Variants in ZFHX3 observed in about 807,000 individuals in gnomAD.
ZFHX3 encodes the protein zinc finger homeobox protein 3.
ZFHX3 carries 42 observed loss-of-function variants against 279.1 expected under a neutral mutation model. The observed-to-expected ratio is 0.15, with a 90% CI of 0.12 to 0.19. The LOEUF (loss-of-function observed/expected upper bound fraction) is 0.19, where lower values mean the gene tolerates loss of function less well. Ranked by LOEUF, ZFHX3 falls within the 10% of genes least tolerant of loss-of-function variation. The pLI, the probability that ZFHX3 is intolerant of heterozygous loss-of-function variation, is 1.00. For missense variants in ZFHX3, 4,981 were observed against 4,754.0 expected (o/e 1.05, Z -1.40); for synonymous variants, 2,293 against 1,957.8 (o/e 1.17, Z -4.52).
intron 1 of ZFHX3, among the ~76,000 whole-genome samples, chr16:72,963,303 G>A (rs749294254): frequency 1.2e-4 from 19 of 152,216 alleles, no homozygotes; most frequent in Non-Finnish European, 2.5e-4. Flanking sequence ...CTCTGCTGGT[G>A]GCACCCGGAA....
chr16:72,797,894 A>G lies in ZFHX3; in HGVS notation c.4788T>C (p.Phe1596=). ...AGGCCACATTACAAGTGTTACACTT[A>G]AAAGGTTTGTTGTCTGGGCTGCTGG... is the stretch of plus-strand genomic sequence containing the variant. The part of the protein sequence containing the change: ...EPTSSPDNKP[F]KCNTCNVAYS... The change falls in exon 9 of 10, where the codon TTT becomes TTC. Residue 1596 remains phenylalanine (F), a synonymous_variant. Coordinates refer to ENST00000268489, the MANE Select transcript of ZFHX3 (RefSeq NM_006885.4). 1 of 1,614,192 alleles carries G rather than the reference A, an allele frequency of 6.2e-7. No homozygotes were observed.
chr16:73,001,881 C>T (rs1027253785), intron 1 of ZFHX3, among the ~76,000 whole-genome samples: 3 of 151,988 alleles, frequency 2.0e-5, no homozygotes, highest in Admixed American at 2.0e-4. Context: ...AGCAGAGATT[C>T]TCACTTAGGC....
intron 5 of ZFHX3, among the ~76,000 whole-genome samples, chr16:73,243,778 C>T (rs570740142): frequency 8.9e-4 from 135 of 151,968 alleles, no homozygotes; most frequent in African/African-American, 3.1e-3. Context: ...ATAGTCTGTT[C>T]AGTGGCTTAA....
intron 4 of ZFHX3, among the ~76,000 whole-genome samples, chr16:72,867,723 GAA>G (rs10577267): frequency 0.88 from 130,666 of 147,982 alleles, 57,399 homozygotes; most frequent in African/African-American, 0.97. Flanking sequence ...TTTGACAGGG[GAA>G]AAAAAAAAAA....
At chr16:73,526,965 T>C (rs1226674132) in intron 2 of ZFHX3, among the ~76,000 whole-genome samples, 1 of 151,926 alleles carries the variant, frequency 6.6e-6, no homozygotes, top group African/African-American at 2.4e-5. Flanking sequence ...CCTAGAGAAT[T>C]TAGTGAATTT....
chr16:72,861,047 T>C (rs1330754933), intron 4 of ZFHX3, among the ~76,000 whole-genome samples: 2 of 152,164 alleles, frequency 1.3e-5, no homozygotes, highest in African/African-American at 4.8e-5. Flanking sequence ...CAGCAGATGC[T>C]TTTCTCACGC....
intron 3 of ZFHX3, among the ~76,000 whole-genome samples, chr16:73,451,975 A>G (rs1194153159): frequency 6.6e-6 from 1 of 152,180 alleles, no homozygotes; most frequent in Non-Finnish European, 1.5e-5. Context: ...ATTTGGAGAG[A>G]TGAGGGCTAC....
chr16:72,830,039 T>C (rs1302437352), intron 4 of ZFHX3, among the ~76,000 whole-genome samples, 180 bp from the exon 5 acceptor site: 3 of 152,056 alleles, frequency 2.0e-5, no homozygotes, highest in Admixed American at 6.6e-5. Context: ...GGGTAAGCAG[T>C]GGGGACTTTC....
chr16:73,606,074 T>G (rs914749133), intron 2 of ZFHX3, among the ~76,000 whole-genome samples: 1 of 149,576 alleles, frequency 6.7e-6, no homozygotes, highest in South Asian at 2.1e-4. Flanking sequence ...TCCCAGCTAT[T>G]TGGGAGGCTG....
Position 73,671,768 on chromosome 16 carries a change from C to T in ZFHX3, c.-1547+8412G>A, listed in dbSNP as rs190761104. 9.2e-4 allele frequency among the ~76,000 whole-genome samples: 140 copies of T among 152,276 alleles called. 1 individual carries two copies. The highest frequency in any genetic ancestry group is 3.2e-4 in the Non-Finnish European group (22 of 68,024). ...CCAAATTACTACTTTTCCTGGCTTT[C>T]CTTGAAGGGGAGTTTAGACTTACTT... On this transcript the variant is annotated intron_variant, in intron 2 of 17. Transcript: ENST00000641206.
intron 5 of ZFHX3, among the ~76,000 whole-genome samples, chr16:73,230,492 C>T (rs936301225): frequency 6.6e-6 from 1 of 152,160 alleles, no homozygotes; most frequent in Admixed American, 6.5e-5. Flanking sequence ...CTCCCTAGTG[C>T]CCCATTCTGG....
upstream of ZFHX3, chr16:73,891,883 G>GGGA (rs1192251910): frequency 6.6e-6 from 1 of 152,160 alleles, no homozygotes; most frequent in Non-Finnish European, 1.5e-5. Flanking sequence ...GGGCTACAGG[G>GGGA]GGAGGGAAGA....
At chr16:73,343,422 G>T (rs78392380) in intron 3 of ZFHX3, among the ~76,000 whole-genome samples, 6,221 of 152,220 alleles carry the variant, frequency 0.041, 248 homozygotes, top group South Asian at 0.098. Context: ...AAACAAGAAA[G>T]TGCTCAAAGC....
At chr16:72,817,305 T>TA (rs1567531021) in intron 5 of ZFHX3, among the ~76,000 whole-genome samples, 3 of 152,276 alleles carry the variant, frequency 2.0e-5, no homozygotes. Flanking sequence ...ACAGAAAACT[T>TA]AAGAGTTGTG....
At chr16:73,337,433 G>T (rs1311437935) in intron 3 of ZFHX3, among the ~76,000 whole-genome samples, 1 of 152,068 alleles carries the variant, frequency 6.6e-6, no homozygotes, top group East Asian at 1.9e-4. Context: ...GAAGTGGGTG[G>T]ATGTCTTCAT....
At chr16:73,051,152 T>G (rs1199120965), upstream of ZFHX3, among the ~76,000 whole-genome samples, 1 of 152,264 alleles carries the variant, frequency 6.6e-6, no homozygotes, top group Non-Finnish European at 1.5e-5. Flanking sequence ...TTAGACAGAT[T>G]TGTGCACCCT....
intron 1 of ZFHX3, chr16:73,808,654 T>C (rs1463683386): frequency 6.6e-6 from 1 of 152,214 alleles, no homozygotes; most frequent in African/African-American, 2.4e-5. Context: ...GTAAGAGATT[T>C]AAAAGCTTGA....
chr16:72,875,722 T>G (rs2038292259), intron 4 of ZFHX3, among the ~76,000 whole-genome samples: 1 of 152,234 alleles, frequency 6.6e-6, no homozygotes, highest in African/African-American at 2.4e-5. Context: ...TGACAATGCT[T>G]TAATCCTGCT....
At chr16:73,288,338 G>A (rs570237217) in intron 4 of ZFHX3, among the ~76,000 whole-genome samples, 32 of 152,258 alleles carry the variant, frequency 2.1e-4, no homozygotes, top group Non-Finnish European at 3.8e-4. Flanking sequence ...CCTCCATGTG[G>A]TTCTGTTTCT....
Sources: allele counts gnomAD v4.1 joint callset (sites outside exome capture counted in the v4.1 genomes callset), GRCh38; gene constraint gnomAD v4.1.1; transcripts MANE v1.5; gene names NCBI Gene and HGNC (gene_info 2026-07-23, HGNC 2026-07-21).